MTUS1: variants seen among roughly 807,000 people sequenced by gnomAD.
MTUS1 encodes microtubule-associated tumor suppressor 1.
Under a neutral mutation model 120.8 loss-of-function variants are expected in MTUS1, and 109 were observed. The observed-to-expected ratio is 0.90, with a 90% CI of 0.77 to 1.06. The LOEUF (loss-of-function observed/expected upper bound fraction) is 1.06, where lower values mean the gene tolerates loss of function less well. Among genes scored for constraint, MTUS1 ranks in the 50% least tolerant of loss-of-function variants. MTUS1 has a pLI of 0.00. For synonymous variants in MTUS1, 737 were observed against 550.5 expected, an observed-to-expected ratio of 1.34 and a Z score of -4.74; for missense variants, 2,210 against 1,486.3, an observed-to-expected ratio of 1.49 and a Z score of -8.01.
At chr8:17,769,559 G>A (rs1330008924) in intron 1 of MTUS1, among the ~76,000 whole-genome samples, 1 of 151,536 alleles carries the variant, frequency 6.6e-6, no homozygotes, top group African/African-American at 2.4e-5. Flanking sequence ...GCGTTAGCCA[G>A]GATGGTCTCG....
chr8:17,672,290 T>G (rs1812192777), intron 8 of MTUS1, among the ~76,000 whole-genome samples: 1 of 152,188 alleles, frequency 6.6e-6, no homozygotes, highest in Admixed American at 6.5e-5. Context: ...TGGTGCTAGA[T>G]GCTTTACAAT....
At chr8:17,647,337 A>G (rs1806030988) in intron 13 of MTUS1, 1 of 349,488 alleles carries the variant, frequency 2.9e-6, no homozygotes, top group African/African-American at 2.1e-5. Flanking sequence ...GTTCCAGGTC[A>G]TGTTGTTTTG....
rs183899142 is a variant in MTUS1 at position 17,669,241 on chromosome 8, A to C, written c.2905+5945T>G. Among the ~76,000 whole-genome samples the C allele has an allele frequency of 1.4e-4, 22 of 152,356 alleles. No individual in the cohort carries two copies. The East Asian group carries it at 4.2e-3, about 29-fold the overall frequency. Reference sequence around the variant, plus strand: ...AAAGATTTGGGTGAAATTCAATTGAAGATATTTTAGCTAAGACTTAAAAAC... The same window carrying C: ...AAAGATTTGGGTGAAATTCAATTGACGATATTTTAGCTAAGACTTAAAAAC... On this transcript the variant is annotated intron_variant, in intron 8 of 14. Transcript: ENST00000693296.
intron 8 of MTUS1, among the ~76,000 whole-genome samples, chr8:17,658,990 A>T (rs1201813559): frequency 6.6e-6 from 1 of 152,150 alleles, no homozygotes; most frequent in Admixed American, 6.5e-5. Flanking sequence ...CCCAAAACAA[A>T]AACTATTTCT....
At chr8:17,792,924 T>G (rs2051919110) in intron 1 of MTUS1, among the ~76,000 whole-genome samples, 1 of 152,164 alleles carries the variant, frequency 6.6e-6, no homozygotes, top group African/African-American at 2.4e-5. Context: ...CTTCACAGCA[T>G]TAAATCAAGT....
chr8:17,715,752 C>G lies in MTUS1; in HGVS notation c.2584+15G>C. On this transcript the variant is annotated intron_variant, in intron 5 of 14. Coordinates refer to ENST00000693296, the MANE Select transcript of MTUS1 (RefSeq NM_001363059.2). ...CGTCTTGCCCTCCCTCTTCAAACCA[C>G]AATGAGGACTGTACCTTTTGGAGGA... 1.9e-6 allele frequency: 3 copies of G among 1,601,014 alleles called. No individual in the cohort carries two copies. In the South Asian group the frequency reaches 3.4e-5, roughly 18 times the overall value.
chr8:17,703,883 CT>C, intron 6 of MTUS1: 1 of 152,302 alleles, frequency 6.6e-6, no homozygotes, highest in South Asian at 2.1e-4. Context: ...TTTGCTCTGC[CT>C]TTTTCCCTTT....
At chr8:17,662,127 G>C (rs1043695019) in intron 8 of MTUS1, among the ~76,000 whole-genome samples, 2 of 152,062 alleles carry the variant, frequency 1.3e-5, no homozygotes, top group African/African-American at 4.8e-5. Flanking sequence ...CAGCTTAGGA[G>C]AGATTTATGG....
rs532803742 is a variant in MTUS1 at position 17,708,368 on chromosome 8, G to A, written c.2623+4846C>T. Among the ~76,000 whole-genome samples, 7 of 152,304 alleles carry A rather than the reference G, an allele frequency of 4.6e-5. No individual in the cohort carries two copies. In the East Asian group the frequency reaches 1.4e-3, roughly 29 times the overall value. On this transcript the variant is annotated intron_variant, in intron 6 of 14. Transcript: ENST00000693296. ...GAAATGACACTCAATGTCACTGGCT[G>A]TCAGAATGCAAATTGAAACAACAAT...
chr8:17,730,886 G>T (rs2046529313), intron 3 of MTUS1, among the ~76,000 whole-genome samples: 1 of 152,148 alleles, frequency 6.6e-6, no homozygotes, highest in Non-Finnish European at 1.5e-5. Context: ...TTCTGGAGAT[G>T]GATATGGAGG....
At chr8:17,730,294 G>A (rs1001954372) in intron 3 of MTUS1, among the ~76,000 whole-genome samples, 5 of 151,988 alleles carry the variant, frequency 3.3e-5, no homozygotes, top group African/African-American at 1.2e-4. Context: ...CCAGTCTGGC[G>A]AATATGGTGA....
At chr8:17,759,000 G>C (rs543692072) in intron 1 of MTUS1, among the ~76,000 whole-genome samples, 3 of 152,132 alleles carry the variant, frequency 2.0e-5, no homozygotes, top group Non-Finnish European at 4.4e-5. Context: ...CCCTGCCTCA[G>C]CCTCCCGAGT....
At chr8:17,675,081 C>T (rs1812807193) in intron 8 of MTUS1, 105 bp downstream of exon 8, 10 of 1,567,702 alleles carry the variant, frequency 6.4e-6, no homozygotes, top group Non-Finnish European at 7.8e-6. Context: ...GGAGTGCCAA[C>T]AGCTCCCAGC....
At position 17,715,186 on chromosome 8, in the gene MTUS1, G is replaced by A. The variant is rs1283310548; in HGVS notation, c.2584+581C>T. On this transcript the variant is annotated intron_variant, in intron 5 of 14. Transcript: ENST00000693296. ...CTCCCAAAGTGCTGGGATTACAGGC[G>A]TGAGCCACCGCATGTGGCACAAAGA... Among the ~76,000 whole-genome samples the A allele has an allele frequency of 5.3e-5, 8 of 151,996 alleles. 1 individual carries two copies. Among genetic ancestry groups the A allele is most frequent in the South Asian group, 4.2e-4 (2 of 4,806 alleles).
rs560201971 is a variant in MTUS1, at chr8:17,645,790, G to A, written c.*136C>T. 1.4e-4 allele frequency: 165 copies of A among 1,161,990 alleles called. No individual in the cohort carries two copies. In the East Asian group the frequency reaches 4.2e-3, roughly 29 times the overall value. 72.0% of individuals were successfully genotyped at this position (1,161,990 alleles called of 1,614,324 possible). A position where few individuals can be genotyped will look rare whatever the true frequency, so the allele number is the denominator to read the frequency against. On this transcript the variant is annotated 3_prime_UTR_variant, in exon 15 of 15. Transcript: ENST00000693296. Reference sequence around the variant, plus strand: ...CAGTCTCAGAAGCTGCGATTCCGCCGGTGGTGACGCTCCAGTTACCCTACG... The same window carrying A: ...CAGTCTCAGAAGCTGCGATTCCGCCAGTGGTGACGCTCCAGTTACCCTACG...
chr8:17,748,859 C>T (rs570063653), intron 2 of MTUS1, among the ~76,000 whole-genome samples: 6 of 152,316 alleles, frequency 3.9e-5, no homozygotes, highest in African/African-American at 1.2e-4. Flanking sequence ...CAATCATCAC[C>T]ATATGTATAA....
At position 17,643,902 on chromosome 8, in the gene MTUS1, G is replaced by C. The variant is rs149308426; in HGVS notation, c.*2024C>G. On this transcript the variant is annotated 3_prime_UTR_variant, in exon 15 of 15. Transcript: ENST00000693296. ...TTGTCTACACATTCATATTTTTGAC[G>C]TGCCAACATTTTGCATTCTACATGA... 6.6e-6 allele frequency: 1 copy of C among 152,112 alleles called. No homozygotes were observed. Among genetic ancestry groups the C allele is most frequent in the Non-Finnish European group, 1.5e-5 (1 of 68,006 alleles). The allele number at this position is 152,112 out of a possible 1,614,324, so 9.4% of individuals were successfully genotyped here.
chr8:17,724,712 C>G (rs974711204), intron 3 of MTUS1, among the ~76,000 whole-genome samples: 1 of 152,204 alleles, frequency 6.6e-6, no homozygotes, highest in African/African-American at 2.4e-5. Context: ...CAAGCCCAGT[C>G]TTTCGCTCTT....
At chr8:17,654,938 A>G (rs6982018) in intron 9 of MTUS1, 312,290 of 412,894 alleles carry the variant, frequency 0.76, 118,716 homozygotes, top group Middle Eastern at 0.87. Context: ...GTGCACACAC[A>G]AAGAATGCAT....
Sources: allele counts gnomAD v4.1 joint callset (sites outside exome capture counted in the v4.1 genomes callset), GRCh38; gene constraint gnomAD v4.1.1; transcripts MANE v1.5; gene names NCBI Gene and HGNC (gene_info 2026-07-23, HGNC 2026-07-21).